Variants in HTT observed in about 807,000 individuals in gnomAD.
The protein encoded by HTT is huntingtin.
In HTT, 104 loss-of-function variants were observed where a neutral mutation model predicts 362.3. That is an observed-to-expected ratio of 0.29 (90% CI 0.24 to 0.34). HTT has a LOEUF of 0.34. Ranked by LOEUF, HTT falls within the 10% of genes least tolerant of loss-of-function variation. The pLI is 1.00. For synonymous variants in HTT, 1,577 were observed against 1,548.7 expected (o/e 1.02, Z -0.43); for missense variants, 3,301 against 3,928.6 (o/e 0.84, Z 4.27).
In HTT at chr4:3,111,895, C is replaced by T. The variant is rs566221812; in HGVS notation, c.748-3409C>T. 3.9e-5 allele frequency among the ~76,000 whole-genome samples: 6 copies of T among 152,264 alleles called. No homozygotes were observed. In the South Asian group the frequency reaches 8.3e-4, roughly 21 times the overall value. ...AGATGTATGTGGCGCCTCCAAAGCC[C>T]GAGCTCTTCTTGGCGTCTGTGGCTT... is the stretch of plus-strand genomic sequence containing the variant. On this transcript the variant is annotated intron_variant, in intron 6 of 66. Transcript: ENST00000355072.
rs3025837 is a variant in HTT at position 3,173,118 on chromosome 4, A to G, written c.4153A>G (p.Asn1385Asp). The G allele has an allele frequency of 1.2e-6, 2 of 1,613,812 alleles. No homozygotes were observed. The highest frequency in any genetic ancestry group is 1.7e-6 in the Non-Finnish European group (2 of 1,179,918). ...LRNMVQAEQE[N>D]DTSGWFDVLQ... ...GAACATGGTGCAGGCGGAGCAGGAG[A>G]ACGACACCTCGGGGTAACAGTTGTG... is the stretch of plus-strand genomic sequence containing the variant. Residue 1385 changes from asparagine to aspartate, a missense_variant, in exon 31 of 67, where the codon AAC (asparagine) becomes GAC (aspartate). By Grantham distance (23) the Asn-to-Asp change is conservative. Transcript: ENST00000355072.
intron 39 of HTT, 81 bp downstream of exon 39, chr4:3,187,967 T>TA (rs1718845807): frequency 2.6e-6 from 2 of 773,414 alleles, no homozygotes; most frequent in Non-Finnish European, 4.3e-6. Context: ...AAGTCTGGAA[T>TA]AATACCTGGT....
chr4:3,239,118 T>A, intron 66 of HTT, 140 bp downstream of exon 66: 1 of 888,196 alleles, frequency 1.1e-6, no homozygotes, highest in Non-Finnish European at 1.7e-6. Flanking sequence ...CCCAGGGAAG[T>A]AAAATGCTGA....
At chr4:3,153,509 T>C (rs1717001096) in intron 26 of HTT, among the ~76,000 whole-genome samples, 3 of 152,214 alleles carry the variant, frequency 2.0e-5, no homozygotes, top group African/African-American at 7.2e-5. Context: ...TTGGAGATAG[T>C]TGAGGCTTTA....
chr4:3,226,823 TCCTGTTTTGTG>T (rs781165653), intron 57 of HTT, among the ~76,000 whole-genome samples: 70 of 152,354 alleles, frequency 4.6e-4, no homozygotes, highest in Middle Eastern at 6.8e-3. Context: ...GCCTGTACTG[TCCTGTTTTGTG>T]CCTGCCGGTT....
chr4:3,087,074 G>T, intron 2 of HTT, 52 bp downstream of exon 2: 1 of 937,556 alleles, frequency 1.1e-6, no homozygotes, highest in Non-Finnish European at 1.7e-6. Flanking sequence ...TATATTTTCA[G>T]TCTTAATGGG....
chr4:3,172,186 A>T, intron 29 of HTT, 134 bp from the exon 30 acceptor site: 1 of 672,216 alleles, frequency 1.5e-6, no homozygotes, highest in Non-Finnish European at 2.7e-6. Flanking sequence ...AGAAATTGAA[A>T]ACTTTCCTCT....
Position 3,146,855 on chromosome 4 carries a change from A to G in HTT, c.3202A>G (p.Thr1068Ala). 1 of 1,614,076 alleles carries G rather than the reference A, an allele frequency of 6.2e-7. No homozygotes were observed. The highest frequency in any genetic ancestry group is 1.3e-5 in the African/African-American group (1 of 75,044). ...GAAGAGCTGTACCGTTGGGATGGCC[A>G]CAATGATTCTGACCCTGCTCTCGTC... Reference protein sequence around the residue: ...SRKSCTVGMATMILTLLSSAW... With the variant: ...SRKSCTVGMAAMILTLLSSAW... Residue 1068 changes from threonine to alanine, a missense_variant, in exon 25 of 67, where the codon ACA (threonine) becomes GCA (alanine). Physicochemically the swap from Thr to Ala is moderately conservative, Grantham distance 58 (BLOSUM62 0). This residue lies in a region of HTT where 2,316 missense variants were observed against 2,658.5 expected (regional missense o/e 0.87). Coordinates refer to ENST00000355072, the MANE Select transcript of HTT (RefSeq NM_001388492.1).
chr4:3,120,836 TGTCTG>T (rs1238536834), intron 8 of HTT, among the ~76,000 whole-genome samples: 5 of 152,246 alleles, frequency 3.3e-5, no homozygotes, highest in African/African-American at 1.2e-4. Context: ...GCCTTTAAAA[TGTCTG>T]GTAGCTCTTT....
chr4:3,229,132 AAC>A (rs962297927), intron 59 of HTT, 123 bp downstream of exon 59: 47 of 929,568 alleles, frequency 5.1e-5, no homozygotes, highest in Middle Eastern at 3.2e-4. Flanking sequence ...TCATGCATGC[AAC>A]ACACACACAG....
intron 27 of HTT, among the ~76,000 whole-genome samples, chr4:3,155,084 G>A (rs770527385): frequency 7.9e-5 from 12 of 151,962 alleles, no homozygotes; most frequent in Non-Finnish European, 1.6e-4. Context: ...TATCTGGGAC[G>A]CCTGGCCACC....
intron 37 of HTT, among the ~76,000 whole-genome samples, chr4:3,184,958 T>C (rs1718695929): frequency 6.6e-6 from 1 of 151,986 alleles, no homozygotes; most frequent in Non-Finnish European, 1.5e-5. Context: ...AGGCATTTTG[T>C]GCAGGAGGGC....
chr4:3,074,923 AG>A lies in HTT; in HGVS notation c.99del (p.Gln33HisfsTer68). ...CAGCAGCAGCAGCAGCAGCAGCAGCAGCAGCAGCAGCAACAGCCGCCACCGC... is the reference window on the plus strand; with the variant it reads ...CAGCAGCAGCAGCAGCAGCAGCAGCACAGCAGCAGCAACAGCCGCCACCGC... ...QQQQQQQQQQ[Q>X]QQQQQPPPPP... On this transcript the variant is annotated frameshift_variant, in exon 1 of 67. Transcript: ENST00000355072. LOFTEE classifies it high-confidence loss of function. The A allele has an allele frequency of 6.8e-7, 1 of 1,476,762 alleles. No homozygotes were observed. The highest frequency in any genetic ancestry group is 9.0e-7 in the Non-Finnish European group (1 of 1,114,816). 91.5% of individuals were successfully genotyped at this position (1,476,762 alleles called of 1,614,324 possible). A position where few individuals can be genotyped will look rare whatever the true frequency, so the allele number is the denominator to read the frequency against.
chr4:3,120,909 C>G (rs1715268582), intron 8 of HTT, among the ~76,000 whole-genome samples: 1 of 152,228 alleles, frequency 6.6e-6, no homozygotes, highest in Admixed American at 6.5e-5. Context: ...AGCTGACTCT[C>G]CCCTCCGTGT....
At chr4:3,219,221 G>T (rs946444699) in intron 52 of HTT, among the ~76,000 whole-genome samples, 1 of 152,184 alleles carries the variant, frequency 6.6e-6, no homozygotes, top group Admixed American at 6.5e-5. Flanking sequence ...GGTGCACAGC[G>T]AGTCACTGTG....
At chr4:3,238,291 C>T (rs756327227) in intron 64 of HTT, among the ~76,000 whole-genome samples, 156 bp from the exon 65 acceptor site, 12 of 152,246 alleles carry the variant, frequency 7.9e-5, no homozygotes, top group African/African-American at 1.4e-4. Context: ...TAGGCTCTGA[C>T]TTTCCCCACT....
Position 3,146,835 on chromosome 4 carries a change from G to T in HTT, c.3182G>T (p.Ser1061Ile). 1 of 1,614,172 alleles carries T rather than the reference G, an allele frequency of 6.2e-7. No individual in the cohort carries two copies. Among genetic ancestry groups the T allele is most frequent in the Non-Finnish European group, 8.5e-7 (1 of 1,180,008 alleles). ...AGTGCCTCAGATGAGTCTAGGAAGA[G>T]CTGTACCGTTGGGATGGCCACAATG... Reference protein sequence around the residue: ...PLSASDESRKSCTVGMATMIL... With the variant: ...PLSASDESRKICTVGMATMIL... Residue 1061 changes from serine to isoleucine, a missense_variant, in exon 25 of 67, where the codon AGC becomes ATC. Physicochemically the swap from Ser to Ile is moderately radical, Grantham distance 142. This residue lies in a region of HTT where 2,316 missense variants were observed against 2,658.5 expected (regional missense o/e 0.87). Coordinates refer to ENST00000355072, the MANE Select transcript of HTT (RefSeq NM_001388492.1).
intron 33 of HTT, among the ~76,000 whole-genome samples, chr4:3,176,433 G>C (rs1718249213): frequency 1.3e-5 from 2 of 152,082 alleles, no homozygotes; most frequent in African/African-American, 4.8e-5. Context: ...CGTCTAAATG[G>C]GCCATTGCTC....
At position 3,138,725 on chromosome 4, in the gene HTT, C is replaced by T. The variant is rs1026019442; in HGVS notation, c.2799-1785C>T. ...GCCTCCCAGGTTCAAGTGATTCCCA[C>T]GTCAGCCTCCCAGGAAGCTGGAATT... On this transcript the variant is annotated intron_variant, in intron 21 of 66. Coordinates refer to ENST00000355072, the MANE Select transcript of HTT (RefSeq NM_001388492.1). Among the ~76,000 whole-genome samples, 5 of 152,090 alleles carry T rather than the reference C, an allele frequency of 3.3e-5. No homozygotes were observed. In the East Asian group the frequency reaches 7.7e-4, roughly 23 times the overall value.
Sources: allele counts gnomAD v4.1 joint callset (sites outside exome capture counted in the v4.1 genomes callset), GRCh38; gene constraint gnomAD v4.1.1; regional missense constraint gnomAD v4.1.1; transcripts MANE v1.5; gene names NCBI Gene and HGNC (gene_info 2026-07-23, HGNC 2026-07-21).